Variants in POC5 observed in about 807,000 individuals in gnomAD.
POC5 encodes POC5 centriolar protein, also known as centrosomal protein POC5.
Under a neutral mutation model 62.9 loss-of-function variants are expected in POC5, and 48 were observed. The ratio of observed to expected loss-of-function variants is 0.76; its 90% CI spans 0.61 to 0.97. The LOEUF (loss-of-function observed/expected upper bound fraction) is 0.97, where lower values mean the gene tolerates loss of function less well. Ranked by LOEUF, POC5 falls within the 50% of genes least tolerant of loss-of-function variation. POC5 has a pLI of 0.00. For missense variants in POC5, 696 were observed against 679.5 expected, an observed-to-expected ratio of 1.02 and a Z score of -0.27; for synonymous variants, 236 against 228.2, an observed-to-expected ratio of 1.03 and a Z score of -0.31.
chr5:75,696,358 G>C (rs565545778), intron 5 of POC5, among the ~76,000 whole-genome samples: 1 of 152,316 alleles, frequency 6.6e-6, no homozygotes, highest in South Asian at 2.1e-4. Context: ...GCACGCAGCT[G>C]GAGATCTGAG....
chr5:75,714,739 G>A (rs1777480046), intron 1 of POC5, among the ~76,000 whole-genome samples: 1 of 152,098 alleles, frequency 6.6e-6, no homozygotes, highest in African/African-American at 2.4e-5. Flanking sequence ...AGGCACTAGG[G>A]TAAAGCTGCA....
chr5:75,686,235 A>G (rs919392504), intron 9 of POC5, among the ~76,000 whole-genome samples: 1 of 152,174 alleles, frequency 6.6e-6, no homozygotes, highest in African/African-American at 2.4e-5. Flanking sequence ...TCGCTCCAGT[A>G]TTATAATTTG....
chr5:75,708,509 T>G (rs769096673), intron 2 of POC5, among the ~76,000 whole-genome samples: 3 of 152,206 alleles, frequency 2.0e-5, no homozygotes, highest in African/African-American at 7.2e-5. Flanking sequence ...AAAAAAATTA[T>G]GTAACCTAAA....
intron 2 of POC5, among the ~76,000 whole-genome samples, chr5:75,711,163 T>C (rs945475034): frequency 1.3e-5 from 2 of 152,160 alleles, no homozygotes; most frequent in Non-Finnish European, 1.5e-5. Context: ...ACAAGCCAAA[T>C]AAGTTATTTA....
chr5:75,707,668 T>C, intron 3 of POC5, 69 bp downstream of exon 3: 1 of 1,240,920 alleles, frequency 8.1e-7, no homozygotes, highest in South Asian at 1.4e-5. Context: ...ATTTTCACAA[T>C]CCTGTCAGTA....
chr5:75,678,305 A>G (rs1357286846), intron 10 of POC5, among the ~76,000 whole-genome samples: 1 of 152,142 alleles, frequency 6.6e-6, no homozygotes, highest in Non-Finnish European at 1.5e-5. Context: ...ATTAGAATAT[A>G]ACAAAGTCAA....
At chr5:75,700,777 C>G (rs1326360332) in intron 5 of POC5, among the ~76,000 whole-genome samples, 2 of 139,362 alleles carry the variant, frequency 1.4e-5, no homozygotes, top group African/African-American at 2.6e-5. Flanking sequence ...TCAGAGTGAA[C>G]AGGCAACCTA....
At chr5:75,696,824 G>A (rs1185009698) in intron 5 of POC5, among the ~76,000 whole-genome samples, 1 of 151,404 alleles carries the variant, frequency 6.6e-6, no homozygotes, top group Non-Finnish European at 1.5e-5. Flanking sequence ...TTAGAAGAAT[G>A]TATAACTAGA....
At chr5:75,712,232 A>C in intron 2 of POC5, 2 of 1,082,534 alleles carry the variant, frequency 1.8e-6, no homozygotes, top group Non-Finnish European at 2.7e-6. Context: ...ACAACTGTAA[A>C]ATTTAAGATA....
intron 2 of POC5, among the ~76,000 whole-genome samples, chr5:75,708,400 A>C (rs1420991731): frequency 2.6e-5 from 4 of 152,196 alleles, no homozygotes; most frequent in Non-Finnish European, 4.4e-5. Flanking sequence ...GAGTGACTCA[A>C]CACTGAATCA....
chr5:75,709,693 AT>A (rs1777266167), intron 2 of POC5: 1 of 152,166 alleles, frequency 6.6e-6, no homozygotes, highest in Non-Finnish European at 1.5e-5. Context: ...CCCAAAGCAT[AT>A]TGGTTTTCTA....
At chr5:75,699,382 G>T (rs1301172721) in intron 5 of POC5, among the ~76,000 whole-genome samples, 1 of 152,006 alleles carries the variant, frequency 6.6e-6, no homozygotes, top group Non-Finnish European at 1.5e-5. Context: ...GATCAAGTGG[G>T]CTTCATCCCT....
chr5:75,679,058 G>A (rs372655270), intron 10 of POC5, among the ~76,000 whole-genome samples: 10 of 152,178 alleles, frequency 6.6e-5, no homozygotes, highest in African/African-American at 2.2e-4. Flanking sequence ...AGTTCCTGAC[G>A]AGTACTAAAC....
At position 75,711,006 on chromosome 5, in the gene POC5, T is replaced by C. The variant is rs565283692; in HGVS notation, c.84+1848A>G. 2.0e-5 allele frequency among the ~76,000 whole-genome samples: 3 copies of C among 152,286 alleles called. No individual in the cohort carries two copies. The South Asian group carries it at 6.2e-4, about 32-fold the overall frequency. ...ATACATATTCATATATTTCATATAT[T>C]TTACCACAATTGCTATGGCTTAAAG... On this transcript the variant is annotated intron_variant, in intron 2 of 11. Transcript: ENST00000428202.
intron 10 of POC5, among the ~76,000 whole-genome samples, chr5:75,680,256 C>T (rs1039127295): frequency 5.3e-5 from 8 of 152,140 alleles, no homozygotes; most frequent in East Asian, 1.9e-4. Flanking sequence ...TGCCCAATCA[C>T]GCTTGAGGGG....
intron 1 of POC5, among the ~76,000 whole-genome samples, 175 bp from the exon 2 acceptor site, chr5:75,713,126 TG>T (rs1777417922): frequency 6.6e-6 from 1 of 152,248 alleles, no homozygotes; most frequent in African/African-American, 2.4e-5. Context: ...AAAAAACAGT[TG>T]AAGACCCAGT....
chr5:75,706,838 A>G (rs1777140865), intron 3 of POC5, among the ~76,000 whole-genome samples: 2 of 152,212 alleles, frequency 1.3e-5, no homozygotes, highest in South Asian at 4.1e-4. Context: ...AGCATGAGCC[A>G]CTGCCTGGCC....
chr5:75,676,764 G>A (rs184768289), intron 11 of POC5, among the ~76,000 whole-genome samples: 134 of 151,778 alleles, frequency 8.8e-4, no homozygotes, highest in Non-Finnish European at 1.4e-3. Context: ...GGAGATTGCA[G>A]TGCGCCAACA....
At chr5:75,702,511 A>T (rs983402672) in intron 5 of POC5, 94 bp downstream of exon 5, 56 of 1,208,580 alleles carry the variant, frequency 4.6e-5, no homozygotes, top group Non-Finnish European at 6.3e-5. Context: ...GATTTTTAGA[A>T]AGTTTAACTC....
Sources: gnomAD v4.1 joint callset for allele counts (sites outside exome capture counted in the v4.1 genomes callset) on GRCh38, gnomAD v4.1.1 for gene constraint, MANE v1.5 for transcripts, NCBI Gene and HGNC (gene_info 2026-07-23, HGNC 2026-07-21) for gene names.